Variants in IMPG2 observed in about 807,000 individuals in gnomAD.
The protein encoded by IMPG2 is interphotoreceptor matrix proteoglycan 2.
A neutral mutation model predicts 129.2 loss-of-function variants in IMPG2; 91 were observed. That is an observed-to-expected ratio of 0.70 (90% CI 0.59 to 0.84). The LOEUF is 0.84. Among genes scored for constraint, IMPG2 ranks in the 40% least tolerant of loss-of-function variants. IMPG2 has a pLI of 0.00. For missense variants in IMPG2, 1,430 were observed against 1,461.7 expected (o/e 0.98, Z 0.35); for synonymous variants, 510 against 517.7 (o/e 0.99, Z 0.20).
intron 4 of IMPG2, among the ~76,000 whole-genome samples, chr3:101,283,265 TCTGC>T (rs1706912819): frequency 6.6e-6 from 1 of 152,122 alleles, no homozygotes. Context: ...TTTCAAGTAA[TCTGC>T]CTGCCTCAGC....
At chr3:101,261,887 T>C (rs1412055653) in intron 9 of IMPG2, among the ~76,000 whole-genome samples, 2 of 152,150 alleles carry the variant, frequency 1.3e-5, no homozygotes, top group Non-Finnish European at 2.9e-5. Context: ...TGGCTCTCCA[T>C]ATTCAGCAAC....
chr3:101,296,783 A>C (rs948839502), intron 3 of IMPG2, among the ~76,000 whole-genome samples: 2 of 152,038 alleles, frequency 1.3e-5, no homozygotes, highest in African/African-American at 4.8e-5. Context: ...GAATCCATTC[A>C]GGACTTCTTC....
intron 4 of IMPG2, among the ~76,000 whole-genome samples, chr3:101,289,638 G>A (rs912303174): frequency 1.3e-5 from 2 of 152,106 alleles, no homozygotes; most frequent in Admixed American, 6.6e-5. Context: ...AGGCCTAACT[G>A]TGAAGAGCCT....
At chr3:101,295,987 T>C (rs1049600916) in intron 3 of IMPG2, among the ~76,000 whole-genome samples, 2 of 152,206 alleles carry the variant, frequency 1.3e-5, no homozygotes, top group African/African-American at 2.4e-5. Context: ...TTTCTAAACA[T>C]AGAACCATGT....
intron 2 of IMPG2, among the ~76,000 whole-genome samples, chr3:101,310,391 T>C (rs1707251080): frequency 6.6e-6 from 1 of 151,958 alleles, no homozygotes. Context: ...ATCTTGTCTC[T>C]ACGAAAATTA....
rs890894172 is a variant in IMPG2 at position 101,304,154 on chromosome 3, T to C, written c.493A>G (p.Ile165Val). 6.2e-7 allele frequency: 1 copy of C among 1,613,652 alleles called. No individual in the cohort carries two copies. Among genetic ancestry groups the C allele is most frequent in the African/African-American group, 1.3e-5 (1 of 74,914 alleles). ...FSESVEHRSL[I>V]MKKLTYAKET... ...TTTGTTGTGACACTTACCTTCATGA[T>C]TAAGCTTCTATGTTCCACAGATTCA... The change falls in exon 3 of 19, where the codon ATC becomes GTC. Residue 165 changes from isoleucine to valine, a missense_variant. By Grantham distance (29) the Ile-to-Val change is conservative. Transcript: ENST00000193391.
At chr3:101,236,663 C>T (rs950645383) in intron 14 of IMPG2, among the ~76,000 whole-genome samples, 3 of 152,150 alleles carry the variant, frequency 2.0e-5, no homozygotes, top group African/African-American at 7.2e-5. Flanking sequence ...ACAGTGCATT[C>T]AGCCCAGATA....
intron 3 of IMPG2, among the ~76,000 whole-genome samples, chr3:101,303,489 C>G (rs1301185301): frequency 6.6e-6 from 1 of 152,114 alleles, no homozygotes; most frequent in Non-Finnish European, 1.5e-5. Flanking sequence ...AATAGATGGA[C>G]AGGGAGATAT....
At chr3:101,290,327 C>T (rs1706993991) in intron 4 of IMPG2, among the ~76,000 whole-genome samples, 1 of 152,094 alleles carries the variant, frequency 6.6e-6, no homozygotes, top group South Asian at 2.1e-4. Context: ...GACAACATAG[C>T]AAAACCCTGT....
intron 2 of IMPG2, among the ~76,000 whole-genome samples, chr3:101,318,195 TA>T (rs2058795041): frequency 6.9e-6 from 1 of 145,850 alleles, no homozygotes; most frequent in Non-Finnish European, 1.5e-5. Context: ...TAATATAAAG[TA>T]AAAATCCAGG....
intron 4 of IMPG2, among the ~76,000 whole-genome samples, chr3:101,287,031 G>A (rs912869704): frequency 6.6e-6 from 1 of 152,062 alleles, no homozygotes; most frequent in African/African-American, 2.4e-5. Context: ...AAATCTCTTA[G>A]CAGGAAAAAA....
chr3:101,264,731 T>C (rs1208201062), intron 9 of IMPG2, among the ~76,000 whole-genome samples: 6 of 151,780 alleles, frequency 4.0e-5, no homozygotes, highest in Admixed American at 3.9e-4. Flanking sequence ...ATAAAAGACA[T>C]ACAAATTGGA....
chr3:101,275,831 A>T, intron 5 of IMPG2, 86 bp from the exon 6 acceptor site: 2 of 970,040 alleles, frequency 2.1e-6, no homozygotes, highest in South Asian at 2.6e-5. Context: ...CTGACTTCAA[A>T]AACCATTCCT....
intron 14 of IMPG2, among the ~76,000 whole-genome samples, chr3:101,235,862 G>T (rs1005844959): frequency 6.6e-6 from 1 of 152,188 alleles, no homozygotes; most frequent in African/African-American, 2.4e-5. Context: ...GGAAAGATGT[G>T]TAGATGGTCT....
At chr3:101,237,125 C>G (rs1706355840) in intron 14 of IMPG2, among the ~76,000 whole-genome samples, 1 of 152,152 alleles carries the variant, frequency 6.6e-6, no homozygotes, top group Non-Finnish European at 1.5e-5. Context: ...GTGGAGCCCA[C>G]CACAGCTTAG....
intron 11 of IMPG2, among the ~76,000 whole-genome samples, chr3:101,251,624 G>A (rs1576751293): frequency 6.6e-6 from 1 of 152,212 alleles, no homozygotes; most frequent in South Asian, 2.1e-4. Flanking sequence ...CCTAAAGAAA[G>A]CACACTGTAC....
intron 2 of IMPG2, among the ~76,000 whole-genome samples, chr3:101,316,265 T>C (rs145944751): frequency 2.0e-4 from 30 of 152,144 alleles, no homozygotes; most frequent in African/African-American, 6.3e-4. Context: ...TTTGACTTTA[T>C]CAAATGTTAA....
intron 9 of IMPG2, among the ~76,000 whole-genome samples, chr3:101,261,196 GT>G (rs774686570): frequency 6.6e-6 from 1 of 152,066 alleles, no homozygotes; most frequent in Admixed American, 6.6e-5. Flanking sequence ...AGAAAGGTGA[GT>G]TTCTTTTTCG....
rs555419557 is a variant in IMPG2, at chr3:101,308,811, T to C, written c.335-4499A>G. Reference sequence around the variant, plus strand: ...AGGCTGCAAATTTTCTAAACTTTTATGCTGTGCTTCCCTTTTAAACATAAC... The same window carrying C: ...AGGCTGCAAATTTTCTAAACTTTTACGCTGTGCTTCCCTTTTAAACATAAC... On this transcript the variant is annotated intron_variant, in intron 2 of 18. Transcript: ENST00000193391. Among the ~76,000 whole-genome samples the C allele has an allele frequency of 1.2e-4, 18 of 152,386 alleles. No homozygotes were observed. In the South Asian group the frequency reaches 3.3e-3, roughly 28 times the overall value.
Sources: gnomAD v4.1 joint callset for allele counts (sites outside exome capture counted in the v4.1 genomes callset) on GRCh38, gnomAD v4.1.1 for gene constraint, MANE v1.5 for transcripts, NCBI Gene and HGNC (gene_info 2026-07-23, HGNC 2026-07-21) for gene names.